SYNE2: variants seen among roughly 807,000 people sequenced by gnomAD.
The protein encoded by SYNE2 is spectrin repeat containing nuclear envelope protein 2, also known as nesprin-2.
In SYNE2, 431 loss-of-function variants were observed where a neutral mutation model predicts 856.3. That is an observed-to-expected ratio of 0.50 (90% confidence interval 0.47 to 0.55). The LOEUF is 0.55. SYNE2 is among the 20% of genes least tolerant of loss of function. The probability of loss-of-function intolerance (pLI) is 0.00; values close to 1 mark genes in which losing one functional copy is unlikely to be tolerated. For missense variants in SYNE2, 8,129 were observed against 8,023.2 expected (o/e 1.01, Z -0.50); for synonymous variants, 2,923 against 2,872.3 (o/e 1.02, Z -0.56).
chr14:64,186,132 C>T (rs1006568150), intron 96 of SYNE2, among the ~76,000 whole-genome samples: 11 of 152,082 alleles, frequency 7.2e-5, no homozygotes, highest in African/African-American at 2.7e-4. Context: ...ACACTTTCCT[C>T]TAAATGAAGA....
chr14:64,182,355 AATTTATTT>A lies in SYNE2; in HGVS notation c.17557-4060_17557-4053del, dbSNP rs138538098. On this transcript the variant is annotated intron_variant, in intron 96 of 115. Transcript: ENST00000555002. ...TTTGGTTGCAAGTCTGGGGCAATTT[AATTTATTT>A]ATTTATTTTTTATTTTTATTTTTAT... 2.6e-4 allele frequency among the ~76,000 whole-genome samples: 39 copies of A among 151,594 alleles called. 1 individual carries two copies. In the East Asian group the frequency reaches 2.9e-3, roughly 11 times the overall value.
At chr14:63,918,725 G>T (rs2095561226) in intron 2 of SYNE2, among the ~76,000 whole-genome samples, 1 of 152,186 alleles carries the variant, frequency 6.6e-6, no homozygotes, top group Admixed American at 6.5e-5. Context: ...CATCTTTACT[G>T]CACAGGGGAT....
intron 1 of SYNE2, among the ~76,000 whole-genome samples, chr14:63,837,739 A>ACC (rs199816356): frequency 2.7e-5 from 4 of 150,606 alleles, no homozygotes; most frequent in African/African-American, 9.8e-5. Context: ...ATATAGTAAG[A>ACC]CCCCCCTGTC....
intron 10 of SYNE2, 91 bp from the exon 11 acceptor site, chr14:63,967,618 T>G (rs2096412441): frequency 3.7e-6 from 5 of 1,360,640 alleles, no homozygotes; most frequent in Non-Finnish European, 5.0e-6. Flanking sequence ...AACTTAAATA[T>G]ATCCTATACC....
chr14:63,836,215 G>T (rs935681062), intron 1 of SYNE2, among the ~76,000 whole-genome samples: 1 of 151,874 alleles, frequency 6.6e-6, no homozygotes, highest in Non-Finnish European at 1.5e-5. Flanking sequence ...GTAGAGATGG[G>T]GTTTCACCAT....
At chr14:64,006,466 A>G (rs2096796969) in intron 30 of SYNE2, among the ~76,000 whole-genome samples, 2 of 152,096 alleles carry the variant, frequency 1.3e-5, no homozygotes, top group Non-Finnish European at 2.9e-5. Context: ...AAGTGTGTTC[A>G]TCATAGACAT....
chr14:64,188,730 GATGTAGTT>G lies in SYNE2; in HGVS notation c.17871+26_17871+33del, dbSNP rs1283220386. On this transcript the variant is annotated intron_variant, in intron 98 of 115. Transcript: ENST00000555002. Reference sequence around the variant, plus strand: ...GAAGGTAAGGGAGGACACCCAGGTGGATGTAGTTATGACTACCATGGAATTGTCGGCCC... The same window carrying G: ...GAAGGTAAGGGAGGACACCCAGGTGGATGACTACCATGGAATTGTCGGCCC... The G allele has an allele frequency of 7.4e-6, 12 of 1,613,586 alleles. 1 individual carries two copies. In the African/African-American group the frequency reaches 1.5e-4, roughly 20 times the overall value.
In SYNE2 at chr14:63,776,371, C is replaced by G. The variant is rs111878784; in HGVS notation, c.-305+14385C>G. On this transcript the variant is annotated intron_variant, in intron 1 of 23. Coordinates refer to the SYNE2 transcript ENST00000674003. ...TGTGAATAGCACACATTTCTCAGCA[C>G]AAATCTCTTTGCCTTTTAGTTTTAC... Among the ~76,000 whole-genome samples the G allele has an allele frequency of 3.3e-3, 502 of 152,226 alleles. 2 individuals carry two copies. Among genetic ancestry groups the G allele is most frequent in the African/African-American group, 0.011 (469 of 41,540 alleles).
intron 7 of SYNE2, among the ~76,000 whole-genome samples, chr14:63,951,283 G>C (rs1255867): frequency 0.68 from 103,007 of 152,006 alleles, 35,153 homozygotes; most frequent in South Asian, 0.76. Flanking sequence ...TAGAGCTGAA[G>C]TTCTGCTTTC....
chr14:64,216,210 GGA>G (rs1274965009), intron 107 of SYNE2, 36 bp from the exon 108 acceptor site: 4 of 1,613,214 alleles, frequency 2.5e-6, no homozygotes, highest in South Asian at 1.1e-5. Context: ...CCGTTCAGTA[GGA>G]GAGAATAGAC....
chr14:64,167,365 G>T lies in SYNE2; in HGVS notation c.16738G>T (p.Ala5580Ser), dbSNP rs763730992. The T allele has an allele frequency of 6.2e-7, 1 of 1,614,226 alleles. No individual in the cohort carries two copies. The highest frequency in any genetic ancestry group is 8.5e-7 in the Non-Finnish European group (1 of 1,180,032). ...GAACCGGCAATGGATTCGGGCCACG[G>T]CCACGGCACTGGAGCGCTGCAGGTT... is the stretch of plus-strand genomic sequence containing the variant. ...NMNRQWIRATATALERCSELQ... is the reference protein window; with the variant it reads ...NMNRQWIRATSTALERCSELQ... The change falls in exon 91 of 116, where the codon GCC becomes TCC. Residue 5580 changes from alanine to serine, a missense_variant. This residue lies in a region of SYNE2 where 5,410 missense variants were observed against 5,284.8 expected (regional missense o/e 1.02). Coordinates refer to ENST00000555002, the MANE Select transcript of SYNE2 (RefSeq NM_182914.3).
At chr14:64,058,715 A>T (rs1274403171) in intron 49 of SYNE2, among the ~76,000 whole-genome samples, 1 of 152,166 alleles carries the variant, frequency 6.6e-6, no homozygotes, top group Non-Finnish European at 1.5e-5. Context: ...TCCTGACCTC[A>T]AGTAATCCGC....
chr14:64,100,667 AT>A (rs1218998040), intron 63 of SYNE2, among the ~76,000 whole-genome samples: 111 of 145,728 alleles, frequency 7.6e-4, no homozygotes, highest in African/African-American at 2.7e-3. Context: ...CTCACATACC[AT>A]TTTTTTTTGT....
At position 63,961,640 on chromosome 14, in the gene SYNE2, G is replaced by A. The variant is rs755375908; in HGVS notation, c.888+15G>A. The A allele has an allele frequency of 2.5e-5, 40 of 1,575,248 alleles. No homozygotes were observed. Among genetic ancestry groups the A allele is most frequent in the Non-Finnish European group, 3.5e-5 (40 of 1,145,212 alleles). On this transcript the variant is annotated intron_variant, in intron 9 of 115. Transcript: ENST00000555002. ...AGGAGGCTCAGGTATGTTTTCATATGCATAAATCAAGCTCATTTTAGTTGT... is the reference window on the plus strand; with the variant it reads ...AGGAGGCTCAGGTATGTTTTCATATACATAAATCAAGCTCATTTTAGTTGT...
At chr14:63,806,250 G>A (rs188022164) in intron 1 of SYNE2, among the ~76,000 whole-genome samples, 9 of 152,300 alleles carry the variant, frequency 5.9e-5, no homozygotes, top group Admixed American at 5.2e-4. Context: ...TGTGGTTTTT[G>A]TATTTAGCTC....
intron 32 of SYNE2, among the ~76,000 whole-genome samples, chr14:64,014,648 C>T (rs1258415102): frequency 1.4e-5 from 2 of 142,026 alleles, no homozygotes; most frequent in South Asian, 4.2e-4. Context: ...AGGCTGGTCT[C>T]GAACTCCTGA....
At chr14:63,882,010 T>G (rs2094877043) in intron 1 of SYNE2, among the ~76,000 whole-genome samples, 1 of 152,234 alleles carries the variant, frequency 6.6e-6, no homozygotes, top group Admixed American at 6.5e-5. Context: ...ACAACCCTGC[T>G]GCAGTTTCCA....
At position 64,100,010 on chromosome 14, in the gene SYNE2, G is replaced by T. The variant is rs1157647855; in HGVS notation, c.12381+1189G>T. ...TACCCAAAGGACTATAAATCATGCT[G>T]CTATAAAGACACATGCACACATATG... On this transcript the variant is annotated intron_variant, in intron 63 of 115. Coordinates refer to ENST00000555002, the MANE Select transcript of SYNE2 (RefSeq NM_182914.3). The T allele has an allele frequency of 2.0e-5, 3 of 152,034 alleles. No individual in the cohort carries two copies. In the East Asian group the frequency reaches 5.8e-4, roughly 29 times the overall value. The allele number at this position is 152,034 out of a possible 1,614,324, so 9.4% of individuals were successfully genotyped here.
chr14:64,021,664 C>T (rs1378214451), intron 36 of SYNE2, 149 bp downstream of exon 36: 1 of 1,131,230 alleles, frequency 8.8e-7, no homozygotes, highest in Non-Finnish European at 1.3e-6. Context: ...GCATTTTCAT[C>T]TTTGAATTGC....
Sources: gnomAD v4.1 joint callset for allele counts (sites outside exome capture counted in the v4.1 genomes callset) on GRCh38, gnomAD v4.1.1 for gene constraint, gnomAD v4.1.1 regional missense constraint, MANE v1.5 for transcripts, NCBI Gene and HGNC (gene_info 2026-07-23, HGNC 2026-07-21) for gene names.